The following PCDHA1 variants were observed in gnomAD, a reference collection of about 807,000 sequenced individuals.
The protein encoded by PCDHA1 is protocadherin alpha 1, also known as protocadherin alpha-1.
In PCDHA1, 42 loss-of-function variants were observed where a neutral mutation model predicts 61.3. That is an observed-to-expected ratio of 0.69 (90% CI 0.54 to 0.89). PCDHA1 has a LOEUF of 0.89. PCDHA1 is among the 40% of genes least tolerant of loss of function. PCDHA1 has a pLI of 0.00. For missense variants in PCDHA1, 1,256 were observed against 1,235.3 expected, an observed-to-expected ratio of 1.02 and a Z score of -0.25; for synonymous variants, 610 against 553.8, an observed-to-expected ratio of 1.10 and a Z score of -1.43.
chr5:140,807,154 A>G, intron 1 of PCDHA1: 2 of 1,585,792 alleles, frequency 1.3e-6, no homozygotes, highest in Non-Finnish European at 1.7e-6. Context: ...TTGAGAAACG[A>G]TATTTAATCA....
chr5:140,953,809 G>A (rs1244835717), intron 1 of PCDHA1, among the ~76,000 whole-genome samples: 2 of 152,168 alleles, frequency 1.3e-5, no homozygotes, highest in East Asian at 1.9e-4. Context: ...GTTCTGAGGT[G>A]CATGTGCTAG....
chr5:140,855,992 T>A lies in PCDHA1; in HGVS notation c.2394+67308T>A, dbSNP rs2043714140. On this transcript the variant is annotated intron_variant, in intron 1 of 3. Transcript: ENST00000504120. ...AAGAAATAGGACAGAAAATGTCAGA[T>A]CGTATGTGCGTTCTAGACCGCTGAT... 1.6e-5 allele frequency: 24 copies of A among 1,492,840 alleles called. 4 individuals carry two copies. The highest frequency in any genetic ancestry group is 1.2e-4 in the South Asian group (9 of 76,326). 92.5% of individuals were successfully genotyped at this position (1,492,840 alleles called of 1,614,324 possible).
chr5:140,935,710 A>C (rs551291942), intron 1 of PCDHA1, among the ~76,000 whole-genome samples: 1 of 152,272 alleles, frequency 6.6e-6, no homozygotes, highest in South Asian at 2.1e-4. Context: ...TATAAAACAA[A>C]ATATATTTAG....
At position 141,009,660 on chromosome 5, in the gene PCDHA1, G is replaced by C; in HGVS notation, c.2576G>C (p.Gly859Ala). 7 of 1,614,084 alleles carry C rather than the reference G, an allele frequency of 4.3e-6. No homozygotes were observed. Among genetic ancestry groups the C allele is most frequent in the Non-Finnish European group, 5.9e-6 (7 of 1,180,030 alleles). Residue 859 changes from glycine (G) to alanine (A), a missense_variant, in exon 4 of 4, where the codon GGT becomes GCT. Physicochemically the swap from Gly to Ala is moderately conservative, Grantham distance 60 (BLOSUM62 0). Coordinates refer to ENST00000504120, the MANE Select transcript of PCDHA1 (RefSeq NM_018900.4). ...PEAGEVSPPV[G>A]AGVNSNSWTF... ...GCAGGAGAAGTGTCCCCTCCAGTCGGTGCGGGTGTCAACAGCAACAGCTGG... is the reference window on the plus strand; with the variant it reads ...GCAGGAGAAGTGTCCCCTCCAGTCGCTGCGGGTGTCAACAGCAACAGCTGG...
chr5:140,840,456 A>C (rs1776712177), intron 1 of PCDHA1, among the ~76,000 whole-genome samples: 1 of 151,992 alleles, frequency 6.6e-6, no homozygotes, highest in African/African-American at 2.4e-5. Flanking sequence ...ACGTTAAATA[A>C]AAAGTTGGGG....
intron 1 of PCDHA1, among the ~76,000 whole-genome samples, chr5:140,889,879 T>G (rs2062416989): frequency 6.6e-6 from 1 of 152,162 alleles, no homozygotes; most frequent in South Asian, 2.1e-4. Flanking sequence ...CCTGCCACCA[T>G]GTAAGAATTC....
chr5:140,870,623 T>C, intron 1 of PCDHA1: 1 of 1,613,108 alleles, frequency 6.2e-7, no homozygotes. Context: ...TCGAGCTACG[T>C]GTCGGTGCAC....
At chr5:140,804,759 T>C (rs1401424367) in intron 1 of PCDHA1, 5 of 234,244 alleles carry the variant, frequency 2.1e-5, no homozygotes, top group African/African-American at 9.0e-5. Flanking sequence ...CCTCTAGCAA[T>C]TAGTTGGACT....
rs782251799 is a variant in PCDHA1 at position 140,876,987 on chromosome 5, G to T, written c.2394+88303G>T. On this transcript the variant is annotated intron_variant, in intron 1 of 3. Transcript: ENST00000504120. The stretch of plus-strand genomic sequence containing the variant: ...GGCGGGTGGGCGAGCACGCACTGTC[G>T]AGCTACGTGTCGGTGCACGCGGAGA... The T allele has an allele frequency of 9.9e-6, 16 of 1,612,540 alleles. 1 individual carries two copies. The South Asian group carries it at 1.4e-4, about 14-fold the overall frequency.
intron 1 of PCDHA1, chr5:140,796,576 C>T: frequency 5.0e-6 from 8 of 1,613,316 alleles, no homozygotes; most frequent in Non-Finnish European, 5.1e-6. Context: ...GGTGAGCGCG[C>T]GGGATGCGGG....
At chr5:140,830,309 G>C (rs2150184814) in intron 1 of PCDHA1, 1 of 1,613,974 alleles carries the variant, frequency 6.2e-7, no homozygotes. Flanking sequence ...GCCCACGCTG[G>C]TGTGCTCCAG....
Position 140,883,704 on chromosome 5 carries a change from C to A in PCDHA1, c.2394+95020C>A, listed in dbSNP as rs782488934. The A allele has an allele frequency of 1.9e-5, 31 of 1,613,628 alleles. 1 individual carries two copies. In the Middle Eastern group the frequency reaches 5.0e-4, roughly 26 times the overall value. ...GGCTGCCACATCTTCACGGTGTCTG[C>A]TCAGGACGCGGACGCACAGGAGAAC... On this transcript the variant is annotated intron_variant, in intron 1 of 3. Transcript: ENST00000504120.
At chr5:140,985,020 C>G (rs1361661147) in intron 3 of PCDHA1, among the ~76,000 whole-genome samples, 1 of 152,110 alleles carries the variant, frequency 6.6e-6, no homozygotes, top group Non-Finnish European at 1.5e-5. Flanking sequence ...TCACAGCAAC[C>G]TCTGCCTCCT....
chr5:140,880,821 G>A (rs1054552020), intron 1 of PCDHA1, among the ~76,000 whole-genome samples: 4 of 152,206 alleles, frequency 2.6e-5, no homozygotes, highest in African/African-American at 7.2e-5. Flanking sequence ...AGAGTGTCTG[G>A]AAGGGCATAT....
chr5:140,845,806 G>A lies in PCDHA1; in HGVS notation c.2394+57122G>A, dbSNP rs181852122. ...AATAATAAACTCTGGCAAGTGATAGGTACATAATAAAATTTAGTTATTACC... is the reference window on the plus strand; with the variant it reads ...AATAATAAACTCTGGCAAGTGATAGATACATAATAAAATTTAGTTATTACC... On this transcript the variant is annotated intron_variant, in intron 1 of 3. Transcript: ENST00000504120. 4.5e-3 allele frequency among the ~76,000 whole-genome samples: 673 copies of A among 149,580 alleles called. 58 individuals carry two copies. The highest frequency in any genetic ancestry group is 6.8e-3 in the Middle Eastern group (2 of 292).
intron 3 of PCDHA1, among the ~76,000 whole-genome samples, chr5:140,994,064 A>G (rs902624513): frequency 6.6e-6 from 1 of 152,142 alleles, no homozygotes; most frequent in African/African-American, 2.4e-5. Context: ...TATAAATCTA[A>G]TGGTGAAGGG....
Position 140,788,008 on chromosome 5 carries a change from C to A in PCDHA1, c.1718C>A (p.Thr573Asn), listed in dbSNP as rs782016270. ...PALLAPRVGG[T>N]IGAVSELVPR... is the part of the protein sequence containing the mutation. ...CTGCTGGCGCCTCGAGTGGGTGGCA[C>A]TATTGGTGCAGTCAGTGAGCTGGTG... Residue 573 changes from threonine to asparagine, a missense_variant, in exon 1 of 4, where the codon ACT (threonine) becomes AAT (asparagine). By Grantham distance (65) the Thr-to-Asn change is moderately conservative. Coordinates refer to ENST00000504120, the MANE Select transcript of PCDHA1 (RefSeq NM_018900.4). 1.2e-6 allele frequency: 2 copies of A among 1,614,006 alleles called. No individual in the cohort carries two copies. The highest frequency in any genetic ancestry group is 3.3e-5 in the Admixed American group (2 of 60,026).
At chr5:140,809,113 T>C (rs1764368152) in intron 1 of PCDHA1, 1 of 1,613,928 alleles carries the variant, frequency 6.2e-7, no homozygotes, top group Non-Finnish European at 8.5e-7. Context: ...AAACGGACGC[T>C]CCGCGCCACC....
Position 141,009,718 on chromosome 5 carries a change from A to C in PCDHA1, c.2634A>C (p.Gln878His). The change falls in exon 4 of 4, where the codon CAA becomes CAC. Residue 878 changes from glutamine to histidine, a missense_variant. Coordinates refer to ENST00000504120, the MANE Select transcript of PCDHA1 (RefSeq NM_018900.4). Reference protein sequence around the residue: ...TFKYGPGNPKQSGPGELPDKF... With the variant: ...TFKYGPGNPKHSGPGELPDKF... Reference sequence around the variant, plus strand: ...AATACGGACCAGGCAACCCCAAACAATCCGGTCCCGGTGAGTTGCCCGACA... The same window carrying C: ...AATACGGACCAGGCAACCCCAAACACTCCGGTCCCGGTGAGTTGCCCGACA... 6.2e-7 allele frequency: 1 copy of C among 1,614,044 alleles called. No individual in the cohort carries two copies. Among genetic ancestry groups the C allele is most frequent in the Non-Finnish European group, 8.5e-7 (1 of 1,180,018 alleles).
Sources: gnomAD v4.1 joint callset for allele counts (sites outside exome capture counted in the v4.1 genomes callset) on GRCh38, gnomAD v4.1.1 for gene constraint, MANE v1.5 for transcripts, NCBI Gene and HGNC (gene_info 2026-07-23, HGNC 2026-07-21) for gene names.